STK11IP: variants seen among roughly 807,000 people sequenced by gnomAD.
STK11IP encodes serine/threonine-protein kinase 11-interacting protein.
A neutral mutation model predicts 131.7 loss-of-function variants in STK11IP; 103 were observed. The observed-to-expected ratio is 0.78, with a 90% confidence interval of 0.67 to 0.92. STK11IP has a LOEUF of 0.92. STK11IP is among the 40% of genes least tolerant of loss of function. STK11IP has a pLI of 0.00. For synonymous variants in STK11IP, 557 were observed against 575.6 expected, an observed-to-expected ratio of 0.97 and a Z score of 0.46; for missense variants, 1,315 against 1,385.7, an observed-to-expected ratio of 0.95 and a Z score of 0.81.
At chr2:219,598,226 T>C in intron 2 of STK11IP, 46 bp downstream of exon 2, 1 of 1,411,280 alleles carries the variant, frequency 7.1e-7, no homozygotes, top group South Asian at 1.3e-5. Flanking sequence ...TCGGACGAGG[T>C]GGGGGTGGTG....
At chr2:219,605,398 T>C (rs1375818828) in intron 7 of STK11IP, 1 of 503,226 alleles carries the variant, frequency 2.0e-6, no homozygotes. Context: ...GGAGTTGCCA[T>C]GCTCAGGGTG....
At chr2:219,614,887 T>C in intron 23 of STK11IP, 1 of 644,066 alleles carries the variant, frequency 1.6e-6, no homozygotes, top group Non-Finnish European at 2.7e-6. Context: ...TGTGGGGCAG[T>C]GGGGGGCGGT....
chr2:219,602,921 C>T (rs1334341945), intron 7 of STK11IP, 145 bp downstream of exon 7: 2 of 759,902 alleles, frequency 2.6e-6, no homozygotes, highest in Non-Finnish European at 2.2e-6. Flanking sequence ...TGCTTAGACA[C>T]TAGCATCAGA....
At chr2:219,615,798 C>G (rs764618181) in intron 24 of STK11IP, 19 of 702,220 alleles carry the variant, frequency 2.7e-5, no homozygotes, top group South Asian at 2.7e-4. Context: ...TGAAATTGAG[C>G]CCGCATCTTC....
rs372553874 is a variant in STK11IP, at chr2:219,605,722, C to T, written c.733C>T (p.Arg245Trp). 18 of 1,594,908 alleles carry T rather than the reference C, an allele frequency of 1.1e-5. No individual in the cohort carries two copies. The highest frequency in any genetic ancestry group is 7.1e-5 in the Admixed American group (4 of 56,540). Residue 245 changes from arginine to tryptophan, a missense_variant, in exon 8 of 25, where the codon CGG becomes TGG. Physicochemically the swap from Arg to Trp is moderately radical, Grantham distance 101. Transcript: ENST00000456909. The stretch of plus-strand genomic sequence containing the variant: ...CCTGATACTGCGAGGCAATGAGCTT[C>T]GGAGCCTGCATGGTGAGTGGGGGTG... ...GVLILRGNEL[R>W]SLHGLEQLRN...
At position 219,608,670 on chromosome 2, in the gene STK11IP, C is replaced by T. The variant is rs746667443; in HGVS notation, c.1691C>T (p.Ala564Val). 45 of 1,613,538 alleles carry T rather than the reference C, an allele frequency of 2.8e-5. 1 individual carries two copies. The highest frequency in any genetic ancestry group is 3.2e-5 in the Non-Finnish European group (38 of 1,179,816). Residue 564 changes from alanine (A) to valine (V), a missense_variant, in exon 15 of 25, where the codon GCC (alanine) becomes GTC (valine). By Grantham distance (64) the Ala-to-Val change is moderately conservative. Transcript: ENST00000456909. ...GRECFLRVTS[A>V]HLFEVELQAA... ...GAATGCTTTCTCAGGGTCACTTCTG[C>T]CCACCTGTTTGAGGTGGAACTCCAA...
intron 7 of STK11IP, among the ~76,000 whole-genome samples, chr2:219,603,323 T>C (rs1698050696): frequency 6.6e-6 from 1 of 152,198 alleles, no homozygotes; most frequent in South Asian, 2.1e-4. Flanking sequence ...ATTACAGGCA[T>C]GAGCCACCAC....
intron 17 of STK11IP, among the ~76,000 whole-genome samples, chr2:219,610,298 T>C (rs917490703): frequency 1.3e-5 from 2 of 152,150 alleles, no homozygotes; most frequent in African/African-American, 4.8e-5. Context: ...CCCCAGCCCC[T>C]CCCGGACCCT....
chr2:219,599,082 T>G (rs1304165752), intron 2 of STK11IP, among the ~76,000 whole-genome samples: 10 of 152,144 alleles, frequency 6.6e-5, no homozygotes, highest in Admixed American at 5.2e-4. Flanking sequence ...TATAGCAGTT[T>G]TCTTTTCTTT....
At chr2:219,605,197 G>A (rs1208734971) in intron 7 of STK11IP, among the ~76,000 whole-genome samples, 2 of 152,152 alleles carry the variant, frequency 1.3e-5, no homozygotes, top group East Asian at 3.9e-4. Flanking sequence ...AGCAGAGCTG[G>A]GGGAGTGGAA....
In STK11IP at chr2:219,615,284, C is replaced by T; in HGVS notation, c.3060C>T (p.Ser1020=). ...VREQQPLSSL[S]SVLLYRSAPE... ...AGCAGCAGCCACTCAGCAGCCTGAGCTCCGTGCTGCTCTACCGCTCAGCCC... is the reference window on the plus strand; with the variant it reads ...AGCAGCAGCCACTCAGCAGCCTGAGTTCCGTGCTGCTCTACCGCTCAGCCC... The change falls in exon 24 of 25, where the codon AGC becomes AGT. Residue 1020 remains serine (S), a synonymous_variant. Coordinates refer to ENST00000456909, the MANE Select transcript of STK11IP (RefSeq NM_052902.4). 1 of 1,601,296 alleles carries T rather than the reference C, an allele frequency of 6.2e-7. No individual in the cohort carries two copies.
rs1574632262 is a variant in STK11IP, at chr2:219,613,676, C to T, written c.2538-76C>T. ...GGTGATGCAGTGAGTGAGGCAGGTG[C>T]AGCTGGGGCAGGGCCTCTCTGGGAC... On this transcript the variant is annotated intron_variant, in intron 20 of 24. Transcript: ENST00000456909. 5 of 1,563,278 alleles carry T rather than the reference C, an allele frequency of 3.2e-6. No homozygotes were observed. In the East Asian group the frequency reaches 1.1e-4, roughly 35 times the overall value.
chr2:219,616,214 C>A lies in STK11IP; in HGVS notation c.*21C>A. The A allele has an allele frequency of 1.2e-6, 2 of 1,608,060 alleles. No individual in the cohort carries two copies. Among genetic ancestry groups the A allele is most frequent in the Non-Finnish European group, 1.7e-6 (2 of 1,177,084 alleles). ...GATGAGGGTCCCACGCTGACCTTGG[C>A]CCTGACCTCAGGAGCCACGCTGTAG... On this transcript the variant is annotated 3_prime_UTR_variant, in exon 25 of 25. Coordinates refer to ENST00000456909, the MANE Select transcript of STK11IP (RefSeq NM_052902.4).
At chr2:219,598,241 C>G (rs923756936) in intron 2 of STK11IP, 61 bp downstream of exon 2, 6 of 1,260,468 alleles carry the variant, frequency 4.8e-6, no homozygotes, top group Non-Finnish European at 6.6e-6. Context: ...GTGGTGCTTT[C>G]TGGAGACACG....
rs376877250 is a variant in STK11IP at position 219,608,068 on chromosome 2, C to G, written c.1241C>G (p.Pro414Arg). ...SPAGWFVQQH[P>R]ELELMSSFRE... Reference sequence around the variant, plus strand: ...CTAGGATGGTTCGTGCAGCAGCACCCGGAGCTGGAGCTCATGAGCAGCTTC... The same window carrying G: ...CTAGGATGGTTCGTGCAGCAGCACCGGGAGCTGGAGCTCATGAGCAGCTTC... Residue 414 changes from proline to arginine, a missense_variant, in exon 14 of 25, where the codon CCG (proline) becomes CGG (arginine). By Grantham distance (103) the Pro-to-Arg change is moderately radical. Transcript: ENST00000456909. The G allele has an allele frequency of 1.2e-6, 2 of 1,611,878 alleles. No individual in the cohort carries two copies. Among genetic ancestry groups the G allele is most frequent in the Non-Finnish European group, 8.5e-7 (1 of 1,179,782 alleles).
intron 17 of STK11IP, among the ~76,000 whole-genome samples, chr2:219,611,119 G>A (rs917774301): frequency 6.6e-6 from 1 of 152,120 alleles, no homozygotes; most frequent in Non-Finnish European, 1.5e-5. Context: ...TTTTATAGAC[G>A]AGGAACCAGG....
chr2:219,613,967 G>A lies in STK11IP; in HGVS notation c.2716+37G>A. 3 of 1,337,982 alleles carry A rather than the reference G, an allele frequency of 2.2e-6. No homozygotes were observed. The South Asian group carries it at 3.9e-5, about 17-fold the overall frequency. 82.9% of individuals were successfully genotyped at this position (1,337,982 alleles called of 1,614,324 possible). A position where few individuals can be genotyped will look rare whatever the true frequency, so the allele number is the denominator to read the frequency against. ...GAGGGGAAGGCAGGAGGGTGGGCAG[G>A]AGGGTGGGCAGGGCCTTGGGGCCAG... is the stretch of plus-strand genomic sequence containing the variant. On this transcript the variant is annotated intron_variant, in intron 21 of 24. Transcript: ENST00000456909.
rs759369356 is a variant in STK11IP, at chr2:219,613,267, GGTGAGTTGGGGGGAGATGGGGGA to G, written c.2537+48_2537+70del. 30 of 834,630 alleles carry G rather than the reference GGTGAGTTGGGGGGAGATGGGGGA, an allele frequency of 3.6e-5. No homozygotes were observed. The African/African-American group carries it at 4.6e-4, about 13-fold the overall frequency. 51.7% of individuals were successfully genotyped at this position (834,630 alleles called of 1,614,324 possible). A position where few individuals can be genotyped will look rare whatever the true frequency, so the allele number is the denominator to read the frequency against. On this transcript the variant is annotated intron_variant, in intron 20 of 24. Transcript: ENST00000456909. ...ATGCAGTGAGTAAGGGGGGAGATGG[GGTGAGTTGGGGGGAGATGGGGGA>G]GTGAGGGGGAAGATGGGGTGAGGGG...
intron 23 of STK11IP, 68 bp downstream of exon 23, chr2:219,614,614 C>T (rs375183018): frequency 5.3e-5 from 78 of 1,479,114 alleles, no homozygotes; most frequent in Non-Finnish European, 6.5e-5. Context: ...CACTGGCCCA[C>T]GCGCAGCACC....
Sources: allele counts gnomAD v4.1 joint callset (sites outside exome capture counted in the v4.1 genomes callset), GRCh38; gene constraint gnomAD v4.1.1; transcripts MANE v1.5; gene names NCBI Gene and HGNC (gene_info 2026-07-23, HGNC 2026-07-21).